Variants in TTLL13 observed in about 807,000 individuals in gnomAD.
The protein encoded by TTLL13 is tubulin tyrosine ligase like 13.
chr15:90,252,326 C>T, the TTLL13 span, among the ~76,000 whole-genome samples: 2 of 152,062 alleles, frequency 1.3e-5, no homozygotes, highest in Non-Finnish European at 2.9e-5. Flanking sequence ...CATGAGCCAC[C>T]ATGCCCAGCC....
At chr15:90,261,352 T>G in the TTLL13 span, among the ~76,000 whole-genome samples, 4 of 150,744 alleles carry the variant, frequency 2.7e-5, no homozygotes, top group Admixed American at 6.6e-5. Context: ...GTGCTTGCAT[T>G]ACAGGCGTGA....
the TTLL13 span, chr15:90,263,356 C>T: frequency 6.9e-4 from 367 of 531,522 alleles, 1 homozygote; most frequent in African/African-American, 6.6e-3. Flanking sequence ...TGACATCCAG[C>T]AAGTTGCAGC....
chr15:90,257,135 C>T, the TTLL13 span: 4 of 1,612,710 alleles, frequency 2.5e-6, no homozygotes, highest in Non-Finnish European at 2.5e-6. Flanking sequence ...TGCATGCTCC[C>T]AGCCCCTCCT....
At chr15:90,250,424 G>C in the TTLL13 span, among the ~76,000 whole-genome samples, 1 of 152,118 alleles carries the variant, frequency 6.6e-6, no homozygotes, top group Non-Finnish European at 1.5e-5. Context: ...CATCTCACTG[G>C]TGTCTTCCAC....
chr15:90,250,512 C>T, the TTLL13 span: 4 of 1,307,554 alleles, frequency 3.1e-6, no homozygotes, highest in Non-Finnish European at 4.2e-6. Flanking sequence ...AGCAACTTTC[C>T]CTTATAACAG....
At chr15:90,255,369 T>C in the TTLL13 span, among the ~76,000 whole-genome samples, 9 of 152,170 alleles carry the variant, frequency 5.9e-5, no homozygotes, top group Admixed American at 5.2e-4. Context: ...TTTTATCTTT[T>C]GTGTCTTTTG....
At chr15:90,264,072 A>G in the TTLL13 span, 1 of 1,493,278 alleles carries the variant, frequency 6.7e-7, no homozygotes, top group Non-Finnish European at 9.0e-7. Flanking sequence ...AGTATGCAAA[A>G]CTAGCTTTGG....
chr15:90,263,039 C>T, the TTLL13 span: 2 of 1,536,096 alleles, frequency 1.3e-6, no homozygotes, highest in South Asian at 2.4e-5. Context: ...CGGATGAAGG[C>T]CCTGCTACAA....
the TTLL13 span, among the ~76,000 whole-genome samples, chr15:90,259,402 A>C: frequency 1.1e-4 from 17 of 152,016 alleles, no homozygotes; most frequent in Admixed American, 9.8e-4. Flanking sequence ...AAAAAAAAAA[A>C]GTCATATATC....
At chr15:90,263,656 A>C in the TTLL13 span, 1 of 605,224 alleles carries the variant, frequency 1.7e-6, no homozygotes, top group South Asian at 2.0e-5. Context: ...GGCCTAGAAG[A>C]GATTTTTTTC....
At chr15:90,250,806 C>T in the TTLL13 span, 1 of 1,614,162 alleles carries the variant, frequency 6.2e-7, no homozygotes, top group Non-Finnish European at 8.5e-7. Context: ...ATTATGGCCA[C>T]AAAAATTCCG....
chr15:90,262,261 C>G, the TTLL13 span: 1 of 1,412,436 alleles, frequency 7.1e-7, no homozygotes, highest in Middle Eastern at 2.1e-4. Flanking sequence ...TGCTTCCCAG[C>G]AGGGAAAGAG....
chr15:90,262,655 A>C, the TTLL13 span: 1 of 1,491,406 alleles, frequency 6.7e-7, no homozygotes, highest in African/African-American at 1.4e-5. Flanking sequence ...CAGGAACCGC[A>C]ACTGGGAGAA....
the TTLL13 span, chr15:90,265,445 A>C: frequency 1.6e-5 from 21 of 1,303,826 alleles, no homozygotes; most frequent in East Asian, 2.2e-4. Flanking sequence ...TGGAAACGGA[A>C]TCCGTACTTT....
the TTLL13 span, chr15:90,262,380 C>G: frequency 1.6e-6 from 2 of 1,234,764 alleles, no homozygotes; most frequent in African/African-American, 3.0e-5. Context: ...GCTCTCGCAT[C>G]AGTCCTAAGA....
the TTLL13 span, chr15:90,258,654 T>C: frequency 8.8e-7 from 1 of 1,137,534 alleles, no homozygotes; most frequent in East Asian, 2.4e-5. Context: ...GGGAGAGGAA[T>C]ATCTTAGACC....
At chr15:90,251,598 A>G in the TTLL13 span, 1 of 1,613,864 alleles carries the variant, frequency 6.2e-7, no homozygotes, top group Non-Finnish European at 8.5e-7. Flanking sequence ...GAGAGTGGTA[A>G]GCACCCAGCC....
the TTLL13 span, chr15:90,258,691 C>G: frequency 6.6e-7 from 1 of 1,506,430 alleles, no homozygotes; most frequent in Non-Finnish European, 9.2e-7. Context: ...CAAGAGGCCA[C>G]CACCTGCTCA....
At chr15:90,265,461 A>G in the TTLL13 span, 1 of 1,353,086 alleles carries the variant, frequency 7.4e-7, no homozygotes, top group Non-Finnish European at 9.5e-7. Context: ...ACTTTAATTA[A>G]AGTTTATGCA....
Sources: gnomAD v4.1 joint callset for allele counts (sites outside exome capture counted in the v4.1 genomes callset) on GRCh38, gnomAD v4.1.1 for gene constraint, MANE v1.5 for transcripts, NCBI Gene and HGNC (gene_info 2026-07-23, HGNC 2026-07-21) for gene names.